The following CLTB variants were observed in gnomAD, a reference collection of about 807,000 sequenced individuals.
CLTB encodes the protein clathrin light chain B.
A neutral mutation model predicts 30.5 loss-of-function variants in CLTB; 10 were observed. The ratio of observed to expected loss-of-function variants is 0.33; its 90% CI spans 0.20 to 0.56. The LOEUF is 0.56. Ranked by LOEUF, CLTB falls within the 20% of genes least tolerant of loss-of-function variation. The pLI is 0.91. For synonymous variants in CLTB, 102 were observed against 120.3 expected, an observed-to-expected ratio of 0.85 and a Z score of 1.00; for missense variants, 261 against 308.3, an observed-to-expected ratio of 0.85 and a Z score of 1.15.
chr5:176,404,147 C>T (rs1756979437), intron 2 of CLTB, among the ~76,000 whole-genome samples: 1 of 152,252 alleles, frequency 6.6e-6, no homozygotes, highest in Non-Finnish European at 1.5e-5. Context: ...AGGATTCAAA[C>T]TGAATTGCTG....
At position 176,393,931 on chromosome 5, in the gene CLTB, T is replaced by C. The variant is rs1271162074; in HGVS notation, c.519-986A>G. ...CAAGTCCCTGGAAGCCCCCTCTCCA[T>C]CTCAAGCAGGACCAGTTCTGCCGAT... is the stretch of plus-strand genomic sequence containing the variant. On this transcript the variant is annotated intron_variant, in intron 5 of 5. Coordinates refer to ENST00000310418, the MANE Select transcript of CLTB (RefSeq NM_007097.5). The surrounding 1 kb of genome is among the most constrained non-coding windows in gnomAD (Gnocchi z 4.4). Among the ~76,000 whole-genome samples, 1 of 152,166 alleles carries C rather than the reference T, an allele frequency of 6.6e-6. No individual in the cohort carries two copies. The highest frequency in any genetic ancestry group is 1.5e-5 in the Non-Finnish European group (1 of 68,022).
chr5:176,406,616 G>C (rs1351351596), intron 2 of CLTB: 1 of 1,289,282 alleles, frequency 7.8e-7, no homozygotes, highest in Non-Finnish European at 1.0e-6. Flanking sequence ...GCCCCTGGCT[G>C]TGCCAAATGG....
intron 2 of CLTB, among the ~76,000 whole-genome samples, chr5:176,403,582 T>C (rs1163467344): frequency 2.0e-5 from 3 of 151,292 alleles, no homozygotes; most frequent in Non-Finnish European, 2.9e-5. Context: ...GCCTCCCCAG[T>C]TGCTGAGATT....
chr5:176,412,782 A>G (rs1757509372), intron 1 of CLTB, among the ~76,000 whole-genome samples: 1 of 152,282 alleles, frequency 6.6e-6, no homozygotes, highest in Middle Eastern at 3.4e-3. Context: ...CTTCTCCTGC[A>G]TGGGTGTCCT....
In CLTB at chr5:176,393,924, C is replaced by T. The variant is rs888380707; in HGVS notation, c.519-979G>A. ...TCGCTCACAAGTCCCTGGAAGCCCCCTCTCCATCTCAAGCAGGACCAGTTC... is the reference window on the plus strand; with the variant it reads ...TCGCTCACAAGTCCCTGGAAGCCCCTTCTCCATCTCAAGCAGGACCAGTTC... On this transcript the variant is annotated intron_variant, in intron 5 of 5. Coordinates refer to ENST00000310418, the MANE Select transcript of CLTB (RefSeq NM_007097.5). The surrounding 1 kb of genome is among the most constrained non-coding windows in gnomAD (Gnocchi z 4.4). Among the ~76,000 whole-genome samples, 4 of 152,208 alleles carry T rather than the reference C, an allele frequency of 2.6e-5. No individual in the cohort carries two copies. The highest frequency in any genetic ancestry group is 5.9e-5 in the Non-Finnish European group (4 of 68,032).
chr5:176,399,355 G>A (rs1415993718), intron 2 of CLTB, among the ~76,000 whole-genome samples: 1 of 152,192 alleles, frequency 6.6e-6, no homozygotes, highest in Non-Finnish European at 1.5e-5. Context: ...TCTGCAGCCA[G>A]GCTGTCTCGG....
At chr5:176,412,331 A>G (rs1273951839) in intron 1 of CLTB, among the ~76,000 whole-genome samples, 3 of 152,116 alleles carry the variant, frequency 2.0e-5, no homozygotes, top group Non-Finnish European at 4.4e-5. Context: ...GATATCATAC[A>G]GTATCCTGCA....
At position 176,416,278 on chromosome 5, in the gene CLTB, G is replaced by C; in HGVS notation, c.86C>G (p.Ala29Gly). 1 of 1,606,528 alleles carries C rather than the reference G, an allele frequency of 6.2e-7. No homozygotes were observed. Among genetic ancestry groups the C allele is most frequent in the Non-Finnish European group, 8.5e-7 (1 of 1,177,646 alleles). ...GCCTGCAATCTCGCTCTCCTGCTGGGCCAGGAAGGCGGCCGCCGGGTCCTC... is the reference window on the plus strand; with the variant it reads ...GCCTGCAATCTCGCTCTCCTGCTGGCCCAGGAAGGCGGCCGCCGGGTCCTC... ...AEEDPAAAFL[A>G]QQESEIAGIE... The change falls in exon 1 of 6, where the codon GCC (alanine) becomes GGC (glycine). Residue 29 changes from alanine (A) to glycine (G), a missense_variant. Around this residue, in one of 3 missense-constraint regions of CLTB, gnomAD observed 113 missense variants for 102.5 expected, o/e 1.10. Coordinates refer to ENST00000310418, the MANE Select transcript of CLTB (RefSeq NM_007097.5).
intron 2 of CLTB, among the ~76,000 whole-genome samples, chr5:176,403,716 T>C (rs1756957306): frequency 6.6e-6 from 1 of 151,864 alleles, no homozygotes. Context: ...CCTCCCAAAG[T>C]GCTGGGATTA....
chr5:176,395,116 C>A (rs1756458596), intron 5 of CLTB, among the ~76,000 whole-genome samples: 1 of 148,222 alleles, frequency 6.7e-6, no homozygotes, highest in Non-Finnish European at 1.5e-5. Context: ...TCCCCACCAT[C>A]CCAGCCTGTA....
chr5:176,416,395 C>G lies in CLTB; in HGVS notation c.-32G>C. 6.4e-7 allele frequency: 1 copy of G among 1,567,792 alleles called. No homozygotes were observed. Among genetic ancestry groups the G allele is most frequent in the East Asian group, 2.5e-5 (1 of 39,520 alleles). On this transcript the variant is annotated 5_prime_UTR_variant, in exon 1 of 6. Transcript: ENST00000310418. ...CGCGCCTCCGCCGGAGCCTCCGCTGCGCTCGGCTCTGCCCGCGCCTGCCCC... is the reference window on the plus strand; with the variant it reads ...CGCGCCTCCGCCGGAGCCTCCGCTGGGCTCGGCTCTGCCCGCGCCTGCCCC...
At chr5:176,399,815 T>C (rs1387566728) in intron 2 of CLTB, among the ~76,000 whole-genome samples, 4 of 151,612 alleles carry the variant, frequency 2.6e-5, no homozygotes, top group Admixed American at 6.6e-5. Context: ...GAGGCGAAGA[T>C]TGCAGTGAGC....
At position 176,395,997 on chromosome 5, in the gene CLTB, C is replaced by T. The variant is rs141512370; in HGVS notation, c.518+482G>A. ...TAAAAATACAAAAGTTAGCCGGGCA[C>T]GGTTGCATGTGCCTATAATCTCAGC... On this transcript the variant is annotated intron_variant, in intron 5 of 5. Coordinates refer to ENST00000310418, the MANE Select transcript of CLTB (RefSeq NM_007097.5). Among the ~76,000 whole-genome samples the T allele has an allele frequency of 6.0e-3, 911 of 152,108 alleles. 12 individuals carry two copies. The highest frequency in any genetic ancestry group is 0.02 in the African/African-American group (827 of 41,466).
At chr5:176,413,967 A>G (rs1757573892) in intron 1 of CLTB, among the ~76,000 whole-genome samples, 1 of 152,140 alleles carries the variant, frequency 6.6e-6, no homozygotes, top group African/African-American at 2.4e-5. Context: ...TCTGAGGCCA[A>G]TTTGTGCCCC....
intron 1 of CLTB, among the ~76,000 whole-genome samples, chr5:176,411,913 A>C (rs959408104): frequency 2.0e-5 from 3 of 151,952 alleles, no homozygotes; most frequent in Non-Finnish European, 4.4e-5. Flanking sequence ...GTGGTGGCTT[A>C]TGCCTGTAAT....
chr5:176,392,501 T>G lies in CLTB; in HGVS notation c.*273A>C. Reference sequence around the variant, plus strand: ...TGATAATAAATAAGTGTAAAAAGAGTCAACAACACACCCTTTAAGCCAAGA... The same window carrying G: ...TGATAATAAATAAGTGTAAAAAGAGGCAACAACACACCCTTTAAGCCAAGA... On this transcript the variant is annotated 3_prime_UTR_variant, in exon 6 of 6. Coordinates refer to ENST00000310418, the MANE Select transcript of CLTB (RefSeq NM_007097.5). The surrounding 1 kb of genome is among the most constrained non-coding windows in gnomAD (Gnocchi z 5.2). The G allele has an allele frequency of 9.4e-6, 4 of 426,630 alleles. No individual in the cohort carries two copies. The highest frequency in any genetic ancestry group is 2.0e-5 in the African/African-American group (1 of 50,340). 26.4% of individuals were successfully genotyped at this position (426,630 alleles called of 1,614,324 possible).
chr5:176,410,982 T>C (rs1757398394), intron 1 of CLTB, among the ~76,000 whole-genome samples: 1 of 152,156 alleles, frequency 6.6e-6, no homozygotes, highest in Non-Finnish European at 1.5e-5. Context: ...ACAGTTGCCC[T>C]CCACTCTCTC....
chr5:176,394,575 T>C (rs1756414008), intron 5 of CLTB, among the ~76,000 whole-genome samples: 2 of 151,348 alleles, frequency 1.3e-5, no homozygotes, highest in Admixed American at 1.3e-4. Context: ...CCCAGCACTT[T>C]GGGAGGCCAA....
chr5:176,398,144 G>T, intron 2 of CLTB, 97 bp from the exon 3 acceptor site: 1 of 1,092,976 alleles, frequency 9.1e-7, no homozygotes, highest in Non-Finnish European at 1.4e-6. Context: ...GGATAACTCA[G>T]CCTCAAACAA....
Sources: allele counts gnomAD v4.1 joint callset (sites outside exome capture counted in the v4.1 genomes callset), GRCh38; gene constraint gnomAD v4.1.1; regional missense constraint gnomAD v4.1.1; non-coding constraint Gnocchi (gnomAD v3.1); transcripts MANE v1.5; gene names NCBI Gene and HGNC (gene_info 2026-07-23, HGNC 2026-07-21).